Variants in TTC31 observed in about 807,000 individuals in gnomAD.
TTC31 encodes the protein tetratricopeptide repeat protein 31.
A neutral mutation model predicts 60.4 loss-of-function variants in TTC31; 59 were observed. The observed-to-expected ratio is 0.98, with a 90% CI of 0.79 to 1.21. The LOEUF is 1.21. Ranked by LOEUF, TTC31 falls within the 50% of genes most tolerant of loss-of-function variation. The pLI, the probability that TTC31 is intolerant of heterozygous loss-of-function variation, is 0.00. For missense variants in TTC31, 672 were observed against 646.9 expected, an observed-to-expected ratio of 1.04 and a Z score of -0.42; for synonymous variants, 225 against 249.6, an observed-to-expected ratio of 0.90 and a Z score of 0.93.
At chr2:74,483,264 G>A in intron 1 of TTC31, 58 bp from the exon 2 acceptor site, 1 of 1,612,950 alleles carries the variant, frequency 6.2e-7, no homozygotes. Flanking sequence ...AGAGTGGGGA[G>A]GACTCTAGCC....
In TTC31 at chr2:74,492,182, C is replaced by A. The variant is rs762525530; in HGVS notation, c.972C>A (p.Ala324=). The A allele has an allele frequency of 6.2e-7, 1 of 1,614,232 alleles. No homozygotes were observed. Among genetic ancestry groups the A allele is most frequent in the Admixed American group, 1.7e-5 (1 of 60,028 alleles). ...SFAQNGFYHE[A]VVLFTQALKL... ...CTCAAAATGGTTTCTACCATGAGGC[C>A]GTGGTCCTCTTCACCCAGGCCTTGA... is the stretch of plus-strand genomic sequence containing the variant. Residue 324 remains alanine (A), a synonymous_variant, in exon 10 of 13, where the codon GCC becomes GCA. Transcript: ENST00000233623.
intron 5 of TTC31, 140 bp downstream of exon 5, chr2:74,490,879 A>G (rs1409151492): frequency 2.1e-6 from 2 of 973,572 alleles, no homozygotes; most frequent in Non-Finnish European, 3.1e-6. Flanking sequence ...GGGCCCAGGG[A>G]CTGGGGGGTC....
At position 74,491,081 on chromosome 2, in the gene TTC31, A is replaced by G. The variant is rs375424560; in HGVS notation, c.547-47A>G. ...GCGAAATCTTAGCCCAGCACACGAC[A>G]TACAGTAAGTGTTCAAAATACATCA... is the stretch of plus-strand genomic sequence containing the variant. On this transcript the variant is annotated intron_variant, in intron 5 of 12. Coordinates refer to ENST00000233623, the MANE Select transcript of TTC31 (RefSeq NM_022492.6). The G allele has an allele frequency of 7.1e-5, 114 of 1,609,122 alleles. No individual in the cohort carries two copies. In the Middle Eastern group the frequency reaches 2.0e-3, roughly 28 times the overall value.
intron 9 of TTC31, 40 bp from the exon 10 acceptor site, chr2:74,492,099 G>A (rs746080194): frequency 7.4e-6 from 12 of 1,614,018 alleles, no homozygotes; most frequent in Non-Finnish European, 1.0e-5. Context: ...CCTCCCTGGG[G>A]TAGCCCCATC....
chr2:74,492,588 G>C, intron 11 of TTC31, 58 bp from the exon 12 acceptor site: 4 of 1,597,560 alleles, frequency 2.5e-6, no homozygotes, highest in Non-Finnish European at 3.4e-6. Context: ...TTTTAGAAAG[G>C]GTACTTTTAA....
At chr2:74,491,084 C>T (rs2104242106) in intron 5 of TTC31, 44 bp from the exon 6 acceptor site, 5 of 1,609,080 alleles carry the variant, frequency 3.1e-6, no homozygotes, top group African/African-American at 1.3e-5. Flanking sequence ...ACACGACATA[C>T]AGTAAGTGTT....
intron 2 of TTC31, among the ~76,000 whole-genome samples, chr2:74,484,869 A>G (rs1385756274): frequency 2.0e-5 from 3 of 151,784 alleles, no homozygotes; most frequent in Admixed American, 2.0e-4. Context: ...CTTTTGTTAA[A>G]TTAATTTATC....
chr2:74,489,972 C>T (rs1271963041), intron 2 of TTC31, 53 bp from the exon 3 acceptor site: 2 of 1,343,024 alleles, frequency 1.5e-6, no homozygotes, highest in Non-Finnish European at 2.1e-6. Context: ...CCCTTGCTCT[C>T]TCCAGGAACT....
In TTC31 at chr2:74,493,299, A is replaced by C; in HGVS notation, c.*81A>C. On this transcript the variant is annotated 3_prime_UTR_variant, in exon 13 of 13. Transcript: ENST00000233623. The stretch of plus-strand genomic sequence containing the variant: ...ATAGTGTGGTGACAGTTCACTGCAT[A>C]TTTTGAGACCTTATTCTCTAGATCC... 7.2e-7 allele frequency: 1 copy of C among 1,394,066 alleles called. No homozygotes were observed. The highest frequency in any genetic ancestry group is 9.9e-7 in the Non-Finnish European group (1 of 1,014,138). The allele number at this position is 1,394,066 out of a possible 1,614,324, so 86.4% of individuals were successfully genotyped here.
Position 74,486,257 on chromosome 2 carries a change from T to A in TTC31, c.129+2847T>A, listed in dbSNP as rs1673094631. Among the ~76,000 whole-genome samples, 3 of 150,108 alleles carry A rather than the reference T, an allele frequency of 2.0e-5. No individual in the cohort carries two copies. In the South Asian group the frequency reaches 6.3e-4, roughly 31 times the overall value. ...TTCCAGCCTGGAGACAGGGTTAGAC[T>A]CCGTCTCAAAAAAAAAAAAAGTTCA... On this transcript the variant is annotated intron_variant, in intron 2 of 12. Transcript: ENST00000233623.
Position 74,490,478 on chromosome 2 carries a change from G to A in TTC31, c.462+5G>A. 6.3e-7 allele frequency: 1 copy of A among 1,599,278 alleles called. No homozygotes were observed. Among genetic ancestry groups the A allele is most frequent in the Non-Finnish European group, 8.5e-7 (1 of 1,172,610 alleles). ...AAGCTCCTGGTGACAGAAGAGGTGA[G>A]ATTCTCAGGAGAGGGCTTTGCCGTC... On this transcript the variant is annotated splice_donor_5th_base_variant and intron_variant, in intron 4 of 12. Transcript: ENST00000233623.
At position 74,491,370 on chromosome 2, in the gene TTC31, G is replaced by A; in HGVS notation, c.679G>A (p.Glu227Lys). ...GNPVQGQCGEEEDSLDLSSTF... is the reference protein window; with the variant it reads ...GNPVQGQCGEKEDSLDLSSTF... The stretch of plus-strand genomic sequence containing the variant: ...CCCAGTTCAGGGACAGTGTGGTGAA[G>A]AAGAGGTGAGAGCCCCTTTTTTCCC... The change falls in exon 7 of 13, where the codon GAA becomes AAA. Residue 227 changes from glutamate to lysine, a missense_variant. Transcript: ENST00000233623. 1 of 1,614,218 alleles carries A rather than the reference G, an allele frequency of 6.2e-7. No homozygotes were observed. The highest frequency in any genetic ancestry group is 8.5e-7 in the Non-Finnish European group (1 of 1,180,044).
chr2:74,488,413 CGTCTCA>C (rs1558581879), intron 2 of TTC31, among the ~76,000 whole-genome samples: 1 of 152,110 alleles, frequency 6.6e-6, no homozygotes, highest in Non-Finnish European at 1.5e-5. Context: ...GGCTTCTAAG[CGTCTCA>C]GTCAGTCCTG....
At chr2:74,486,051 AG>A (rs1338641052) in intron 2 of TTC31, among the ~76,000 whole-genome samples, 1 of 152,022 alleles carries the variant, frequency 6.6e-6, no homozygotes, top group Non-Finnish European at 1.5e-5. Flanking sequence ...GCGGATCATG[AG>A]GTCAGGAGAT....
chr2:74,489,790 C>T (rs1355627819), intron 2 of TTC31, among the ~76,000 whole-genome samples: 1 of 152,108 alleles, frequency 6.6e-6, no homozygotes, highest in Non-Finnish European at 1.5e-5. Flanking sequence ...AGGTTGAATA[C>T]CATACTCAAC....
At chr2:74,487,328 C>T (rs1246869169) in intron 2 of TTC31, among the ~76,000 whole-genome samples, 2 of 152,114 alleles carry the variant, frequency 1.3e-5, no homozygotes, top group Non-Finnish European at 2.9e-5. Context: ...AAGCAATTCT[C>T]CTACCTCAGC....
chr2:74,483,178 G>A (rs747039843), intron 1 of TTC31, 43 bp downstream of exon 1: 3 of 1,613,944 alleles, frequency 1.9e-6, no homozygotes, highest in African/African-American at 1.3e-5. Context: ...GGAGGGCAGA[G>A]GCAGCCCCTC....
At chr2:74,488,233 T>C (rs1290254613) in intron 2 of TTC31, among the ~76,000 whole-genome samples, 1 of 152,192 alleles carries the variant, frequency 6.6e-6, no homozygotes, top group Admixed American at 6.5e-5. Flanking sequence ...CCTAGCAGTA[T>C]TGGAGATGCT....
At chr2:74,490,168 A>T in intron 3 of TTC31, 41 bp downstream of exon 3, 1 of 1,608,552 alleles carries the variant, frequency 6.2e-7, no homozygotes, top group Non-Finnish European at 8.5e-7. Context: ...CGAGGCTGGT[A>T]CCCTGGGAGG....
Sources: allele counts gnomAD v4.1 joint callset (sites outside exome capture counted in the v4.1 genomes callset), GRCh38; gene constraint gnomAD v4.1.1; transcripts MANE v1.5; gene names NCBI Gene and HGNC (gene_info 2026-07-23, HGNC 2026-07-21).